The following DOCK3 variants were observed in gnomAD, a reference collection of about 807,000 sequenced individuals.
The protein encoded by DOCK3 is dedicator of cytokinesis protein 3.
A neutral mutation model predicts 265.6 loss-of-function variants in DOCK3; 60 were observed. The ratio of observed to expected loss-of-function variants is 0.23; its 90% CI spans 0.18 to 0.28. The LOEUF is 0.28. Among genes scored for constraint, DOCK3 ranks in the 10% least tolerant of loss-of-function variants. The pLI is 1.00. For missense variants in DOCK3, 1,981 were observed against 2,594.3 expected, an observed-to-expected ratio of 0.76 and a Z score of 5.14; for synonymous variants, 881 against 938.0, an observed-to-expected ratio of 0.94 and a Z score of 1.11.
intron 2 of DOCK3, among the ~76,000 whole-genome samples, chr3:50,836,182 G>A (rs1428160773): frequency 6.6e-6 from 1 of 152,210 alleles, no homozygotes; most frequent in Admixed American, 6.5e-5. Context: ...GACGGTGGCT[G>A]TCTTCTGACA....
intron 5 of DOCK3, among the ~76,000 whole-genome samples, chr3:51,018,798 C>T (rs903616593): frequency 6.6e-6 from 1 of 151,918 alleles, no homozygotes; most frequent in African/African-American, 2.4e-5. Flanking sequence ...ATTATGAATG[C>T]TCATCCTGTA....
At position 51,357,129 on chromosome 3, in the gene DOCK3, A is replaced by C; in HGVS notation, c.4671A>C (p.Ala1557=). ...VIDAAVNGGI[A]RYQEAFFDKD... is the part of the protein sequence containing the mutation. ...ATGCAGCTGTCAATGGAGGCATTGC[A>C]CGCTATCAGGAGGTAAGCTGTGGCC... The change falls in exon 44 of 53, where the codon GCA becomes GCC. Residue 1557 remains alanine, a synonymous_variant. Transcript: ENST00000266037. 6.2e-7 allele frequency: 1 copy of C among 1,612,086 alleles called. No individual in the cohort carries two copies. Among genetic ancestry groups the C allele is most frequent in the Non-Finnish European group, 8.5e-7 (1 of 1,179,764 alleles).
chr3:50,928,020 A>G (rs2050856088), intron 4 of DOCK3, among the ~76,000 whole-genome samples: 1 of 151,862 alleles, frequency 6.6e-6, no homozygotes, highest in Non-Finnish European at 1.5e-5. Flanking sequence ...GAGAGATTTC[A>G]TCAGTACTGT....
chr3:50,784,713 A>G (rs1301571767), intron 2 of DOCK3, among the ~76,000 whole-genome samples: 1 of 152,144 alleles, frequency 6.6e-6, no homozygotes, highest in East Asian at 1.9e-4. Context: ...TTTTCCTTGT[A>G]GAGGTCTTTC....
intron 12 of DOCK3, among the ~76,000 whole-genome samples, chr3:51,207,817 T>A (rs911218916): frequency 1.3e-5 from 2 of 152,136 alleles, no homozygotes; most frequent in African/African-American, 4.8e-5. Context: ...TGGGTCCTAT[T>A]TTCTGGGATA....
intron 51 of DOCK3, among the ~76,000 whole-genome samples, chr3:51,377,870 T>A (rs1387710942): frequency 6.6e-6 from 1 of 152,238 alleles, no homozygotes; most frequent in Non-Finnish European, 1.5e-5. Flanking sequence ...GCATCTGAGA[T>A]CCTGGGCTGT....
chr3:50,714,012 C>T (rs1191250131), intron 1 of DOCK3, among the ~76,000 whole-genome samples: 1 of 151,826 alleles, frequency 6.6e-6, no homozygotes, highest in East Asian at 1.9e-4. Context: ...CAGATGAGCT[C>T]TTACAATATT....
intron 50 of DOCK3, 112 bp from the exon 51 acceptor site, chr3:51,375,631 CTGCTT>C: frequency 8.6e-7 from 1 of 1,165,904 alleles, no homozygotes; most frequent in Non-Finnish European, 1.3e-6. Flanking sequence ...AGCTGTGCCA[CTGCTT>C]TGTTTTCCCC....
chr3:51,350,879 A>G (rs370347868), intron 40 of DOCK3, among the ~76,000 whole-genome samples: 1 of 152,300 alleles, frequency 6.6e-6, no homozygotes, highest in East Asian at 1.9e-4. Flanking sequence ...AGAGAACCTG[A>G]AGAACACAGC....
At chr3:50,796,160 C>T (rs34456131) in intron 2 of DOCK3, among the ~76,000 whole-genome samples, 14,134 of 151,576 alleles carry the variant, frequency 0.093, 765 homozygotes, top group Non-Finnish European at 0.12. Context: ...CCTGCCTCAG[C>T]CTCCCGAGTA....
intron 3 of DOCK3, among the ~76,000 whole-genome samples, chr3:50,864,711 A>G (rs926414670): frequency 2.0e-5 from 3 of 151,886 alleles, no homozygotes; most frequent in Admixed American, 6.6e-5. Flanking sequence ...CCTTTCTCCA[A>G]TGTATATTCT....
chr3:50,778,650 G>T, intron 1 of DOCK3, 25 bp from the exon 2 acceptor site: 1 of 1,540,824 alleles, frequency 6.5e-7, no homozygotes, highest in Non-Finnish European at 8.8e-7. Context: ...AATGCTAATT[G>T]GTGTGTTTAT....
At chr3:51,299,604 G>A (rs1010869026) in intron 27 of DOCK3, among the ~76,000 whole-genome samples, 2 of 152,166 alleles carry the variant, frequency 1.3e-5, no homozygotes, top group African/African-American at 4.8e-5. Context: ...TAAAGTGTAA[G>A]GAAGGTGTCC....
At chr3:50,930,010 G>A (rs1428938441) in intron 4 of DOCK3, among the ~76,000 whole-genome samples, 2 of 152,170 alleles carry the variant, frequency 1.3e-5, no homozygotes, top group Non-Finnish European at 2.9e-5. Context: ...CTTCCAATGA[G>A]GAAGGCAAGG....
At chr3:50,855,483 C>T (rs976376254) in intron 3 of DOCK3, among the ~76,000 whole-genome samples, 9 of 152,006 alleles carry the variant, frequency 5.9e-5, no homozygotes, top group Non-Finnish European at 8.8e-5. Flanking sequence ...GAAGTATAGA[C>T]GTGACACTGG....
At chr3:51,227,485 A>G (rs2108371591) in intron 16 of DOCK3, 40 bp downstream of exon 16, 1 of 1,611,318 alleles carries the variant, frequency 6.2e-7, no homozygotes, top group Admixed American at 1.7e-5. Flanking sequence ...CCTTGAGAAT[A>G]TAAATATAAC....
At chr3:50,866,395 G>T (rs1032301772) in intron 3 of DOCK3, among the ~76,000 whole-genome samples, 19 of 151,976 alleles carry the variant, frequency 1.3e-4, no homozygotes, top group Non-Finnish European at 2.2e-4. Flanking sequence ...TGAGGCAGAA[G>T]AATCCCTTGA....
Position 51,016,932 on chromosome 3 carries a change from AC to A in DOCK3, c.316-47515del, listed in dbSNP as rs1433308508. Among the ~76,000 whole-genome samples, 6 of 93,820 alleles carry A rather than the reference AC, an allele frequency of 6.4e-5. 1 individual carries two copies. The highest frequency in any genetic ancestry group is 2.9e-4 in the African/African-American group (6 of 20,792). The allele number at this position is 93,820 out of a possible 152,430, so 61.5% of individuals were successfully genotyped here. ...TTTATATATAAATATATTAATATAT[AC>A]AATATATGTTATATATAATATATAT... On this transcript the variant is annotated intron_variant, in intron 5 of 52. Coordinates refer to ENST00000266037, the MANE Select transcript of DOCK3 (RefSeq NM_004947.5).
Position 51,228,747 on chromosome 3 carries a change from T to G in DOCK3, c.1734T>G (p.Ile578Met), listed in dbSNP as rs781307487. The G allele has an allele frequency of 6.2e-7, 1 of 1,613,942 alleles. No homozygotes were observed. Among genetic ancestry groups the G allele is most frequent in the Non-Finnish European group, 8.5e-7 (1 of 1,179,882 alleles). ...AGGACTACAATGGCTGCCCTAATAT[T>G]CCTTCTAGCCTCATCTTCCAGCGCA... ...CKEDYNGCPNIPSSLIFQRST... is the reference protein window; with the variant it reads ...CKEDYNGCPNMPSSLIFQRST... Residue 578 changes from isoleucine (I) to methionine (M), a missense_variant, in exon 18 of 53, where the codon ATT (isoleucine) becomes ATG (methionine). Coordinates refer to ENST00000266037, the MANE Select transcript of DOCK3 (RefSeq NM_004947.5).
Sources: allele counts gnomAD v4.1 joint callset (sites outside exome capture counted in the v4.1 genomes callset), GRCh38; gene constraint gnomAD v4.1.1; transcripts MANE v1.5; gene names NCBI Gene and HGNC (gene_info 2026-07-23, HGNC 2026-07-21).